Variants in ZHX2 observed in about 807,000 individuals in gnomAD.
ZHX2 encodes zinc fingers and homeoboxes 2.
ZHX2 carries 6 observed loss-of-function variants against 21.9 expected under a neutral mutation model. The ratio of observed to expected loss-of-function variants is 0.27; its 90% CI spans 0.15 to 0.54. The LOEUF (loss-of-function observed/expected upper bound fraction) is 0.54, where lower values mean the gene tolerates loss of function less well. ZHX2 is among the 20% of genes least tolerant of loss of function. The pLI is 0.95. For synonymous variants in ZHX2, 434 were observed against 437.1 expected, an observed-to-expected ratio of 0.99 and a Z score of 0.09; for missense variants, 908 against 1,090.7, an observed-to-expected ratio of 0.83 and a Z score of 2.36.
In ZHX2 at chr8:122,835,865, C is replaced by A. The variant is rs79037243; in HGVS notation, c.-282-27612C>A. 4.4e-3 allele frequency among the ~76,000 whole-genome samples: 675 copies of A among 152,280 alleles called. 8 individuals carry two copies. Among genetic ancestry groups the A allele is most frequent in the East Asian group, 0.039 (204 of 5,182 alleles). On this transcript the variant is annotated intron_variant, in intron 1 of 3. Coordinates refer to ENST00000314393, the MANE Select transcript of ZHX2 (RefSeq NM_014943.5). ...ATTGTAAAGTTGAATGTTTCATTTG[C>A]GGGCCATTTGGACCCATTATTTAAT...
intron 2 of ZHX2, among the ~76,000 whole-genome samples, chr8:122,881,955 GGAA>G (rs1411677267): frequency 1.3e-5 from 2 of 152,120 alleles, no homozygotes; most frequent in African/African-American, 4.8e-5. Flanking sequence ...CATTAACCAT[GGAA>G]GAAGGATACA....
At position 122,948,201 on chromosome 8, in the gene ZHX2, G is replaced by A. The variant is rs554393607; in HGVS notation, c.-219-3091G>A. Among the ~76,000 whole-genome samples, 117 of 152,208 alleles carry A rather than the reference G, an allele frequency of 7.7e-4. 4 individuals carry two copies. In the South Asian group the frequency reaches 0.023, roughly 30 times the overall value. ...AGTTGTTTGTGAAAATAAGTTCTTC[G>A]CTTTGGCCTTTATGCCCTCTCTTCA... is the stretch of plus-strand genomic sequence containing the variant. On this transcript the variant is annotated intron_variant, in intron 2 of 3. Coordinates refer to ENST00000314393, the MANE Select transcript of ZHX2 (RefSeq NM_014943.5).
Position 122,952,055 on chromosome 8 carries a change from G to A in ZHX2, c.545G>A (p.Ser182Asn), listed in dbSNP as rs764393751. The change falls in exon 3 of 4, where the codon AGT becomes AAT. Residue 182 changes from serine to asparagine, a missense_variant. Physicochemically the swap from Ser to Asn is conservative, Grantham distance 46. This residue lies in a region of ZHX2 where 220 missense variants were observed against 251.4 expected (regional missense o/e 0.88). Coordinates refer to ENST00000314393, the MANE Select transcript of ZHX2 (RefSeq NM_014943.5). This position sits in a 1 kb window ranked among gnomAD's most constrained non-coding sequence, Gnocchi z 6.9. ...GACAGTGATTCTGGGATCTCGGTGA[G>A]TAAAACCCCCATCATGAAGCCTGGA... ...TGDSDSGISVSKTPIMKPGKP... is the reference protein window; with the variant it reads ...TGDSDSGISVNKTPIMKPGKP... The A allele has an allele frequency of 7.4e-6, 12 of 1,613,212 alleles. No homozygotes were observed. Among genetic ancestry groups the A allele is most frequent in the Middle Eastern group, 3.3e-4 (2 of 6,062 alleles).
At chr8:122,917,009 C>G (rs1035582207) in intron 2 of ZHX2, among the ~76,000 whole-genome samples, 2 of 152,154 alleles carry the variant, frequency 1.3e-5, no homozygotes, top group African/African-American at 4.8e-5. Flanking sequence ...TCTGTGAAAC[C>G]CTCCAGCACC....
rs148601221 is a variant in ZHX2 at position 122,914,957 on chromosome 8, G to C, written c.-219-36335G>C. ...TTTGCCATCACCAAACCTCAGTCTA[G>C]GCTGCATCTGTTACGTCTAGTTCCT... On this transcript the variant is annotated intron_variant, in intron 2 of 3. Coordinates refer to ENST00000314393, the MANE Select transcript of ZHX2 (RefSeq NM_014943.5). Among the ~76,000 whole-genome samples the C allele has an allele frequency of 7.6e-4, 116 of 152,306 alleles. 1 individual carries two copies. In the East Asian group the frequency reaches 0.02, roughly 26 times the overall value.
At chr8:122,842,556 A>T (rs1342795072) in intron 1 of ZHX2, among the ~76,000 whole-genome samples, 1 of 152,124 alleles carries the variant, frequency 6.6e-6, no homozygotes, top group East Asian at 1.9e-4. Context: ...ACACAAAAAA[A>T]TAGCCAGGGG....
chr8:122,960,066 C>T (rs915388170), intron 3 of ZHX2, among the ~76,000 whole-genome samples: 9 of 152,224 alleles, frequency 5.9e-5, no homozygotes, highest in African/African-American at 2.2e-4. Flanking sequence ...GGCAGTGTGC[C>T]CAGCATGTCC....
At chr8:122,909,167 A>C (rs1186134382) in intron 2 of ZHX2, among the ~76,000 whole-genome samples, 1 of 152,222 alleles carries the variant, frequency 6.6e-6, no homozygotes, top group Non-Finnish European at 1.5e-5. Context: ...GCGTTGGCTC[A>C]TGCCTGTAAT....
Position 122,781,922 on chromosome 8 carries a change from C to T in ZHX2, c.-307C>T, listed in dbSNP as rs1037468874. 6.6e-6 allele frequency: 1 copy of T among 152,210 alleles called. No individual in the cohort carries two copies. Among genetic ancestry groups the T allele is most frequent in the Non-Finnish European group, 1.5e-5 (1 of 68,072 alleles). 9.4% of individuals were successfully genotyped at this position (152,210 alleles called of 1,614,324 possible). ...GCGTCTCCGCGTTCCCAGCCCGGGT[C>T]CCCGCGTTCACAGCCCCAGCGCAGG... On this transcript the variant is annotated 5_prime_UTR_variant, in exon 1 of 4. Transcript: ENST00000314393. The surrounding 1 kb of genome is among the most constrained non-coding windows in gnomAD (Gnocchi z 4.6).
At chr8:122,883,181 TCTC>T (rs1819757602) in intron 2 of ZHX2, among the ~76,000 whole-genome samples, 1 of 152,160 alleles carries the variant, frequency 6.6e-6, no homozygotes, top group Non-Finnish European at 1.5e-5. Flanking sequence ...ATGCAGGCTT[TCTC>T]TTGTTCTTCA....
intron 1 of ZHX2, among the ~76,000 whole-genome samples, chr8:122,834,145 A>G (rs1818446546): frequency 6.6e-6 from 1 of 152,188 alleles, no homozygotes; most frequent in South Asian, 2.1e-4. Context: ...AAAGCAGAGT[A>G]GGTTGCCCGG....
chr8:122,968,431 T>A (rs1037777289), intron 3 of ZHX2, among the ~76,000 whole-genome samples: 1 of 152,200 alleles, frequency 6.6e-6, no homozygotes, highest in African/African-American at 2.4e-5. Flanking sequence ...TGTCATCCAC[T>A]GGGAAGTTGC....
rs192998714 is a variant in ZHX2, at chr8:122,932,569, G to T, written c.-219-18723G>T. 1.0e-3 allele frequency among the ~76,000 whole-genome samples: 156 copies of T among 152,344 alleles called. 1 individual carries two copies. The highest frequency in any genetic ancestry group is 3.6e-3 in the African/African-American group (149 of 41,572). ...CGCTTGAACCCAGGAGGCGAAGGTT[G>T]CAGTGAGCTGAGATCGCGCCATTGT... is the stretch of plus-strand genomic sequence containing the variant. On this transcript the variant is annotated intron_variant, in intron 2 of 3. Coordinates refer to ENST00000314393, the MANE Select transcript of ZHX2 (RefSeq NM_014943.5).
intron 2 of ZHX2, among the ~76,000 whole-genome samples, chr8:122,903,323 GT>G (rs1007035864): frequency 6.6e-6 from 1 of 152,194 alleles, no homozygotes; most frequent in Admixed American, 6.5e-5. Context: ...TTCCAAAAGA[GT>G]ATTTATCAGG....
intron 2 of ZHX2, among the ~76,000 whole-genome samples, chr8:122,903,811 T>C (rs1820286449): frequency 6.6e-6 from 1 of 151,436 alleles, no homozygotes; most frequent in Non-Finnish European, 1.5e-5. Flanking sequence ...AGAGAGAAAA[T>C]GGGAATGGTT....
At chr8:122,862,369 G>T (rs1280127523) in intron 1 of ZHX2, among the ~76,000 whole-genome samples, 3 of 152,208 alleles carry the variant, frequency 2.0e-5, no homozygotes, top group Non-Finnish European at 4.4e-5. Flanking sequence ...GTTTCCCCAC[G>T]TGGAGAATGG....
At chr8:122,957,553 C>T (rs1038410787) in intron 3 of ZHX2, among the ~76,000 whole-genome samples, 1 of 152,108 alleles carries the variant, frequency 6.6e-6, no homozygotes, top group Admixed American at 6.5e-5. Flanking sequence ...CCCCAACCTC[C>T]GCCTCCCAGG....
intron 1 of ZHX2, among the ~76,000 whole-genome samples, chr8:122,849,539 G>A (rs565033452): frequency 5.3e-5 from 8 of 152,010 alleles, no homozygotes; most frequent in Admixed American, 4.6e-4. Context: ...TTCTGGCTTC[G>A]GGTGCTGCTG....
At chr8:122,935,893 C>G (rs1200143027) in intron 2 of ZHX2, among the ~76,000 whole-genome samples, 1 of 152,122 alleles carries the variant, frequency 6.6e-6, no homozygotes, top group African/African-American at 2.4e-5. Flanking sequence ...ATAGCACTTA[C>G]CACTCTAAGT....
Sources: gnomAD v4.1 joint callset for allele counts (sites outside exome capture counted in the v4.1 genomes callset) on GRCh38, gnomAD v4.1.1 for gene constraint, gnomAD v4.1.1 regional missense constraint, Gnocchi (gnomAD v3.1) non-coding constraint, MANE v1.5 for transcripts, NCBI Gene and HGNC (gene_info 2026-07-23, HGNC 2026-07-21) for gene names.